ARHGAP6: variants seen among roughly 807,000 people sequenced by gnomAD.
ARHGAP6 encodes the protein rho GTPase-activating protein 6.
ARHGAP6 carries 16 observed loss-of-function variants against 55.7 expected under a neutral mutation model. The observed-to-expected ratio is 0.29, with a 90% CI of 0.19 to 0.44. The LOEUF is 0.44. Ranked by LOEUF, ARHGAP6 falls within the 20% of genes least tolerant of loss-of-function variation. The pLI, the probability that ARHGAP6 is intolerant of heterozygous loss-of-function variation, is 1.00. For missense variants in ARHGAP6, 698 were observed against 808.9 expected (o/e 0.86, Z 1.66); for synonymous variants, 382 against 360.9 (o/e 1.06, Z -0.66).
chrX:11,215,781 G>A (rs779576538), intron 2 of ARHGAP6, among the ~76,000 whole-genome samples: 27 of 112,548 alleles, frequency 2.4e-4, no homozygotes, highest in African/African-American at 7.1e-4. Flanking sequence ...CCAAGGGGAC[G>A]GTTTGTCTGC....
intron 1 of ARHGAP6, among the ~76,000 whole-genome samples, chrX:11,514,838 G>GCACACACACA (rs71928650): frequency 1.0e-5 from 1 of 96,242 alleles, no homozygotes; most frequent in East Asian, 3.3e-4. Context: ...TCTATGCATT[G>GCACACACACA]CACACACACA....
intron 1 of ARHGAP6, among the ~76,000 whole-genome samples, chrX:11,448,455 T>A (rs1189529167): frequency 1.8e-5 from 2 of 111,916 alleles, no homozygotes; most frequent in African/African-American, 6.5e-5. Context: ...TTCAGAGCAC[T>A]GGTTGGCCAT....
chrX:11,223,388 A>G (rs149856224), intron 2 of ARHGAP6: 2 of 122,554 alleles, frequency 1.6e-5, no homozygotes, highest in African/African-American at 6.5e-5. Context: ...CAATATGTTT[A>G]CTTGATTGTT....
chrX:11,347,750 G>A (rs2048806666), intron 1 of ARHGAP6, among the ~76,000 whole-genome samples: 1 of 112,143 alleles, frequency 8.9e-6, no homozygotes, highest in Non-Finnish European at 1.9e-5. Context: ...GAATAGCTAA[G>A]AGAACATGTC....
At chrX:11,527,351 C>T (rs755758706) in intron 1 of ARHGAP6, among the ~76,000 whole-genome samples, 188 of 112,180 alleles carry the variant, frequency 1.7e-3, no homozygotes, top group Non-Finnish European at 2.0e-3. Flanking sequence ...CAGTGGCTCA[C>T]ACTTGTAATC....
At chrX:11,291,309 G>T (rs139137288) in intron 1 of ARHGAP6, among the ~76,000 whole-genome samples, 4,958 of 111,518 alleles carry the variant, frequency 0.044, 289 homozygotes, top group African/African-American at 0.15. Flanking sequence ...ATCAAAGCTT[G>T]TTCAACTGTC....
At chrX:11,140,286 T>C (rs1414254543) in intron 12 of ARHGAP6, among the ~76,000 whole-genome samples, 1 of 107,824 alleles carries the variant, frequency 9.3e-6, no homozygotes, top group Non-Finnish European at 1.9e-5. Flanking sequence ...GGTGTGGTGG[T>C]GGGTGCCTGT....
intron 5 of ARHGAP6, among the ~76,000 whole-genome samples, chrX:11,182,475 A>G (rs2046326745): frequency 9.0e-6 from 1 of 111,614 alleles, no homozygotes; most frequent in Admixed American, 9.5e-5. Flanking sequence ...TTTCTAAAAG[A>G]TATTTCTTGT....
rs755901359 is a variant in ARHGAP6, at chrX:11,137,635, A to ATGTT, written c.*1224_*1227dup. On this transcript the variant is annotated 3_prime_UTR_variant, in exon 13 of 13. Transcript: ENST00000337414. Reference sequence around the variant, plus strand: ...CACCAACATGAAAATTAAGAGTAGCATGTTTTATAAAAAAAAAAAAAATCT... The same window carrying ATGTT: ...CACCAACATGAAAATTAAGAGTAGCATGTTTGTTTTATAAAAAAAAAAAAAATCT... 6 of 102,426 alleles carry ATGTT rather than the reference A, an allele frequency of 5.9e-5. No individual in the cohort carries two copies. In the East Asian group the frequency reaches 8.5e-4, roughly 14 times the overall value. 8.4% of individuals were successfully genotyped at this position (102,426 alleles called of 1,213,427 possible).
At chrX:11,349,310 C>T (rs1330407439) in intron 1 of ARHGAP6, among the ~76,000 whole-genome samples, 1 of 111,401 alleles carries the variant, frequency 9.0e-6, no homozygotes, top group African/African-American at 3.3e-5. Context: ...TGTCTCCTTC[C>T]ACTCATTAAA....
chrX:11,618,888 A>G (rs1045516696), intron 1 of ARHGAP6, among the ~76,000 whole-genome samples: 5 of 110,423 alleles, frequency 4.5e-5, no homozygotes, highest in African/African-American at 1.3e-4. Context: ...CTACCTTTCT[A>G]TAATATTTAA....
chrX:11,444,395 A>G (rs1282403449), intron 1 of ARHGAP6, among the ~76,000 whole-genome samples: 1 of 112,550 alleles, frequency 8.9e-6, no homozygotes, highest in Non-Finnish European at 1.9e-5. Flanking sequence ...TGTCTACCCA[A>G]TATCCATTCT....
At chrX:11,322,328 T>C (rs1187098446) in intron 1 of ARHGAP6, among the ~76,000 whole-genome samples, 1 of 108,722 alleles carries the variant, frequency 9.2e-6, no homozygotes, top group Non-Finnish European at 1.9e-5. Context: ...TGGGGGGAGG[T>C]ACAAAATTTC....
At chrX:11,655,719 T>C (rs1356161665) in intron 1 of ARHGAP6, among the ~76,000 whole-genome samples, 2 of 112,323 alleles carry the variant, frequency 1.8e-5, no homozygotes, top group Admixed American at 9.4e-5. Context: ...TGTCGTAACA[T>C]AGTTACAATC....
chrX:11,376,034 T>C (rs962433130), intron 1 of ARHGAP6, among the ~76,000 whole-genome samples: 1 of 109,775 alleles, frequency 9.1e-6, no homozygotes, highest in Non-Finnish European at 1.9e-5. Flanking sequence ...AAAGAAATAG[T>C]AAAAAAGGAT....
chrX:11,174,655 C>CT (rs1476657318), intron 8 of ARHGAP6, among the ~76,000 whole-genome samples: 6 of 73,848 alleles, frequency 8.1e-5, no homozygotes, highest in Admixed American at 3.2e-4. Flanking sequence ...TTCTTTCTTT[C>CT]TTTCTTTCTT....
chrX:11,478,017 TAA>T (rs891593379), intron 1 of ARHGAP6, among the ~76,000 whole-genome samples: 1 of 111,910 alleles, frequency 8.9e-6, no homozygotes, highest in African/African-American at 3.2e-5. Flanking sequence ...TGATTTTTTT[TAA>T]AAAGAGATAT....
At chrX:11,278,798 C>A (rs139941627) in intron 1 of ARHGAP6, among the ~76,000 whole-genome samples, 1 of 111,292 alleles carries the variant, frequency 9.0e-6, no homozygotes, top group Non-Finnish European at 1.9e-5. Context: ...AATCATAACT[C>A]GGAGTACCTC....
At chrX:11,167,353 T>C (rs777359096) in intron 9 of ARHGAP6, among the ~76,000 whole-genome samples, 2 of 110,241 alleles carry the variant, frequency 1.8e-5, no homozygotes, top group East Asian at 5.7e-4. Context: ...GTGTGTGTGA[T>C]GGAGGGTGGA....
Sources: allele counts gnomAD v4.1 joint callset (sites outside exome capture counted in the v4.1 genomes callset), GRCh38; gene constraint gnomAD v4.1.1; transcripts MANE v1.5; gene names NCBI Gene and HGNC (gene_info 2026-07-23, HGNC 2026-07-21).